Variants in PCDH15 observed in about 807,000 individuals in gnomAD.
The protein encoded by PCDH15 is protocadherin-15.
A neutral mutation model predicts 178.5 loss-of-function variants in PCDH15; 129 were observed. The ratio of observed to expected loss-of-function variants is 0.72; its 90% confidence interval spans 0.63 to 0.84. PCDH15 has a LOEUF of 0.84. Among genes scored for constraint, PCDH15 ranks in the 40% least tolerant of loss-of-function variants. PCDH15 has a pLI of 0.00. For missense variants in PCDH15, 2,230 were observed against 2,099.9 expected, an observed-to-expected ratio of 1.06 and a Z score of -1.21; for synonymous variants, 800 against 732.0, an observed-to-expected ratio of 1.09 and a Z score of -1.50.
chr10:54,930,290 T>C (rs1837739349), intron 2 of PCDH15, among the ~76,000 whole-genome samples: 1 of 152,132 alleles, frequency 6.6e-6, no homozygotes, highest in South Asian at 2.1e-4. Context: ...CCTATGTAAA[T>C]CAGACACCAC....
chr10:54,612,158 TAA>T (rs927577394), intron 2 of PCDH15, among the ~76,000 whole-genome samples: 18 of 151,754 alleles, frequency 1.2e-4, no homozygotes, highest in African/African-American at 4.3e-4. Flanking sequence ...ACCCTAAAAG[TAA>T]AAGAGGCAAA....
chr10:54,901,444 T>C (rs1014541811), intron 2 of PCDH15, among the ~76,000 whole-genome samples: 3 of 152,130 alleles, frequency 2.0e-5, no homozygotes, highest in East Asian at 1.9e-4. Flanking sequence ...GATTTTGGTG[T>C]TTATAAGACA....
chr10:54,954,420 C>A (rs1838427835), intron 2 of PCDH15, among the ~76,000 whole-genome samples: 1 of 151,156 alleles, frequency 6.6e-6, no homozygotes, highest in African/African-American at 2.4e-5. Flanking sequence ...TTAGCATTAT[C>A]CTACATGTAA....
At chr10:53,911,722 C>T (rs141596226) in intron 25 of PCDH15, among the ~76,000 whole-genome samples, 244 of 152,202 alleles carry the variant, frequency 1.6e-3, no homozygotes, top group African/African-American at 5.7e-3. Context: ...TAAAGTCTTG[C>T]ACCATCACAA....
chr10:54,688,925 C>T (rs1044320555), intron 1 of PCDH15, among the ~76,000 whole-genome samples: 2 of 151,988 alleles, frequency 1.3e-5, no homozygotes, highest in African/African-American at 2.4e-5. Flanking sequence ...GTGTTGAGAA[C>T]ATTTATAATG....
chr10:54,483,335 T>C (rs1292324972), intron 3 of PCDH15, among the ~76,000 whole-genome samples: 2 of 151,818 alleles, frequency 1.3e-5, no homozygotes, highest in East Asian at 3.9e-4. Context: ...AACAACAAGT[T>C]ATATTGGTGT....
chr10:54,620,906 A>T (rs747953089), intron 2 of PCDH15, among the ~76,000 whole-genome samples: 2 of 152,104 alleles, frequency 1.3e-5, no homozygotes, highest in Non-Finnish European at 2.9e-5. Flanking sequence ...TTCCTGAAAC[A>T]TAAAAGAAGA....
intron 20 of PCDH15, among the ~76,000 whole-genome samples, chr10:54,016,062 A>C (rs974544908): frequency 1.3e-5 from 2 of 152,092 alleles, no homozygotes; most frequent in Non-Finnish European, 2.9e-5. Context: ...GGAACTTACA[A>C]ATCAACAAGC....
chr10:54,472,354 A>G (rs1193362555), intron 3 of PCDH15, among the ~76,000 whole-genome samples: 1 of 152,060 alleles, frequency 6.6e-6, no homozygotes, highest in African/African-American at 2.4e-5. Context: ...TAGGTTTATT[A>G]AGAAATTTCA....
chr10:55,356,598 A>C (rs562682564), intron 2 of PCDH15, among the ~76,000 whole-genome samples: 1 of 151,960 alleles, frequency 6.6e-6, no homozygotes, highest in Non-Finnish European at 1.5e-5. Flanking sequence ...CATTTATTCA[A>C]TCACTCATTT....
At chr10:55,194,967 C>A (rs947980262) in intron 1 of PCDH15, among the ~76,000 whole-genome samples, 2 of 151,852 alleles carry the variant, frequency 1.3e-5, no homozygotes, top group Admixed American at 6.6e-5. Context: ...TTCAGTCATT[C>A]GCTCTGCTTT....
At chr10:54,936,552 A>AT (rs1400182164) in intron 2 of PCDH15, among the ~76,000 whole-genome samples, 3 of 151,902 alleles carry the variant, frequency 2.0e-5, no homozygotes, top group Non-Finnish European at 4.4e-5. Flanking sequence ...TTTGTAATGT[A>AT]TTTTTTATTA....
chr10:55,532,781 C>A (rs1841482578), intron 2 of PCDH15, among the ~76,000 whole-genome samples: 1 of 151,902 alleles, frequency 6.6e-6, no homozygotes, highest in African/African-American at 2.4e-5. Flanking sequence ...TACATTTCTG[C>A]CAGCAGGGTA....
chr10:55,320,967 A>T (rs1288959307), upstream of PCDH15, among the ~76,000 whole-genome samples: 1 of 152,158 alleles, frequency 6.6e-6, no homozygotes, highest in Non-Finnish European at 1.5e-5. Flanking sequence ...AAAGCAGAAT[A>T]TGGATATTCA....
At chr10:54,491,327 A>G (rs2137132745) in intron 3 of PCDH15, among the ~76,000 whole-genome samples, 1 of 146,928 alleles carries the variant, frequency 6.8e-6, no homozygotes, top group Non-Finnish European at 1.5e-5. Flanking sequence ...AAAGAAAGAA[A>G]AGTTAAAAAA....
At chr10:54,700,039 C>A (rs1311670469) in intron 1 of PCDH15, among the ~76,000 whole-genome samples, 2 of 152,022 alleles carry the variant, frequency 1.3e-5, no homozygotes, top group Non-Finnish European at 2.9e-5. Context: ...AGGGGCTAAA[C>A]TAACAAAGCT....
chr10:54,739,917 A>C (rs1944573590), intron 1 of PCDH15, among the ~76,000 whole-genome samples: 1 of 152,074 alleles, frequency 6.6e-6, no homozygotes, highest in African/African-American at 2.4e-5. Flanking sequence ...TAAAACCTAA[A>C]CTATAAAATA....
intron 1 of PCDH15, among the ~76,000 whole-genome samples, chr10:55,267,995 G>T (rs1022696936): frequency 3.9e-5 from 6 of 152,132 alleles, no homozygotes; most frequent in Admixed American, 3.9e-4. Flanking sequence ...AATTGATTAT[G>T]GAACAACTGA....
intron 2 of PCDH15, among the ~76,000 whole-genome samples, chr10:54,936,146 G>C (rs1447634983): frequency 6.6e-6 from 1 of 151,778 alleles, no homozygotes; most frequent in African/African-American, 2.4e-5. Context: ...TATAACATGG[G>C]GTCTTTATAT....
Sources: gnomAD v4.1 joint callset for allele counts (sites outside exome capture counted in the v4.1 genomes callset) on GRCh38, gnomAD v4.1.1 for gene constraint, MANE v1.5 for transcripts, NCBI Gene and HGNC (gene_info 2026-07-23, HGNC 2026-07-21) for gene names.